The following TBC1D23 variants were observed in gnomAD, a reference collection of about 807,000 sequenced individuals.
The protein encoded by TBC1D23 is TBC1 domain family member 23.
TBC1D23 carries 55 observed loss-of-function variants against 91.4 expected under a neutral mutation model. That is an observed-to-expected ratio of 0.60 (90% CI 0.48 to 0.75). The LOEUF is 0.75. Ranked by LOEUF, TBC1D23 falls within the 30% of genes least tolerant of loss-of-function variation. The probability of loss-of-function intolerance (pLI) is 0.00; values close to 1 mark genes in which losing one functional copy is unlikely to be tolerated. For synonymous variants in TBC1D23, 289 were observed against 281.0 expected (o/e 1.03, Z -0.28); for missense variants, 725 against 836.1 (o/e 0.87, Z 1.64).
At position 100,283,758 on chromosome 3, in the gene TBC1D23, A is replaced by G. The variant is rs62636641; in HGVS notation, c.423A>G (p.Pro141=). The G allele has an allele frequency of 5.8e-3, 9,292 of 1,613,564 alleles. 36 individuals are homozygous for G. Among genetic ancestry groups the G allele is most frequent in the South Asian group, 6.6e-3 (602 of 91,072 alleles). ...LLKPLVHLQL[P]RSDLYNCFYA... is the part of the protein sequence containing the mutation. ...AACCATTGGTGCATCTTCAACTGCC[A>G]CGCAGCGATTTATACAACTGCTTTT... Residue 141 remains proline (P), a synonymous_variant, in exon 4 of 19, where the codon CCA becomes CCG. Transcript: ENST00000394144.
intron 1 of TBC1D23, 83 bp downstream of exon 1, chr3:100,261,154 C>A: frequency 7.2e-7 from 1 of 1,395,910 alleles, no homozygotes; most frequent in Non-Finnish European, 1.0e-6. Context: ...AGCCGTCTGG[C>A]GTCGGCATGG....
At chr3:100,297,695 GT>G (rs3832200) in intron 8 of TBC1D23, among the ~76,000 whole-genome samples, 21 of 150,120 alleles carry the variant, frequency 1.4e-4, no homozygotes, top group Admixed American at 8.0e-4. Context: ...TTTAGAATGT[GT>G]TTTTTTTTTC....
At chr3:100,263,008 A>G (rs929003611) in intron 1 of TBC1D23, among the ~76,000 whole-genome samples, 5 of 152,196 alleles carry the variant, frequency 3.3e-5, no homozygotes, top group Admixed American at 3.3e-4. Flanking sequence ...AGTAACTTTC[A>G]TGCGCGTCCG....
chr3:100,285,436 A>G (rs1325728248), intron 4 of TBC1D23, among the ~76,000 whole-genome samples: 2 of 152,036 alleles, frequency 1.3e-5, no homozygotes, highest in Non-Finnish European at 2.9e-5. Context: ...TTTTTGCCAA[A>G]TTTTTTATTG....
chr3:100,293,622 T>C (rs2067812184), intron 5 of TBC1D23, among the ~76,000 whole-genome samples: 1 of 152,206 alleles, frequency 6.6e-6, no homozygotes, highest in African/African-American at 2.4e-5. Flanking sequence ...TTCTAATCTG[T>C]GTTTGTAATC....
chr3:100,261,225 T>TAGG, intron 1 of TBC1D23, 154 bp downstream of exon 1: 2 of 677,800 alleles, frequency 3.0e-6, no homozygotes, highest in Non-Finnish European at 5.1e-6. Context: ...GCCAGCTGGG[T>TAGG]GCCCCCTGCC....
intron 13 of TBC1D23, among the ~76,000 whole-genome samples, chr3:100,307,442 A>G (rs928210652): frequency 6.6e-6 from 1 of 152,212 alleles, no homozygotes; most frequent in Non-Finnish European, 1.5e-5. Flanking sequence ...GTGGAATATA[A>G]ATGTTAACAA....
At chr3:100,308,399 C>T (rs1027221402) in intron 13 of TBC1D23, among the ~76,000 whole-genome samples, 145 of 151,668 alleles carry the variant, frequency 9.6e-4, no homozygotes, top group African/African-American at 3.2e-3. Context: ...GGTGTGAACC[C>T]GGGAGGCGGA....
chr3:100,301,270 C>G (rs1468326655), intron 10 of TBC1D23, among the ~76,000 whole-genome samples: 2 of 54,100 alleles, frequency 3.7e-5, no homozygotes, highest in Non-Finnish European at 6.3e-5. Context: ...GAGATTCCGT[C>G]TCAAAAAAAA....
chr3:100,270,296 A>C (rs910206261), intron 1 of TBC1D23, among the ~76,000 whole-genome samples: 2 of 152,234 alleles, frequency 1.3e-5, no homozygotes, highest in Non-Finnish European at 2.9e-5. Flanking sequence ...GGGTTAGGAA[A>C]GCAGAGGAAA....
At chr3:100,266,783 T>A (rs991561363) in intron 1 of TBC1D23, among the ~76,000 whole-genome samples, 2 of 152,206 alleles carry the variant, frequency 1.3e-5, no homozygotes, top group Admixed American at 1.3e-4. Context: ...TTAAATATAC[T>A]GTAATATGCA....
In TBC1D23 at chr3:100,260,995, A is replaced by T; in HGVS notation, c.-24A>T. The T allele has an allele frequency of 6.2e-7, 1 of 1,611,766 alleles. No homozygotes were observed. The highest frequency in any genetic ancestry group is 8.5e-7 in the Non-Finnish European group (1 of 1,177,890). On this transcript the variant is annotated 5_prime_UTR_variant, in exon 1 of 19. Transcript: ENST00000394144. Reference sequence around the variant, plus strand: ...CTCAGCGCCGGATCCACTTTTCGGCAAAGTGACGTGGACGTCAACAGCAAT... The same window carrying T: ...CTCAGCGCCGGATCCACTTTTCGGCTAAGTGACGTGGACGTCAACAGCAAT...
chr3:100,263,421 G>A (rs1181657317), intron 1 of TBC1D23, among the ~76,000 whole-genome samples: 1 of 152,226 alleles, frequency 6.6e-6, no homozygotes, highest in Non-Finnish European at 1.5e-5. Context: ...CACAGGGGAT[G>A]CGATGGCTTG....
chr3:100,295,408 A>G, intron 7 of TBC1D23, 60 bp downstream of exon 7: 1 of 1,386,336 alleles, frequency 7.2e-7, no homozygotes, highest in Non-Finnish European at 9.9e-7. Flanking sequence ...TAAGTTACTC[A>G]GTTTCCTCAT....
intron 5 of TBC1D23, among the ~76,000 whole-genome samples, chr3:100,291,804 T>C (rs1420537806): frequency 6.7e-6 from 1 of 149,824 alleles, no homozygotes; most frequent in African/African-American, 2.4e-5. Context: ...TTCTTTTTTT[T>C]TTTTTTTGAG....
intron 5 of TBC1D23, among the ~76,000 whole-genome samples, chr3:100,292,305 TCC>T (rs1257868515): frequency 6.6e-6 from 1 of 152,166 alleles, no homozygotes; most frequent in Non-Finnish European, 1.5e-5. Context: ...AATGATTGGG[TCC>T]TAGGAGACTA....
intron 1 of TBC1D23, among the ~76,000 whole-genome samples, chr3:100,273,760 T>C (rs567821608): frequency 1.3e-5 from 2 of 152,278 alleles, no homozygotes; most frequent in East Asian, 3.9e-4. Flanking sequence ...ACATAAGTAA[T>C]GGGGAAAGGA....
At chr3:100,293,282 C>T (rs190711473) in intron 5 of TBC1D23, among the ~76,000 whole-genome samples, 3 of 152,206 alleles carry the variant, frequency 2.0e-5, no homozygotes, top group East Asian at 1.9e-4. Flanking sequence ...TGCAGGCGCC[C>T]GCCACCACAC....
intron 2 of TBC1D23, among the ~76,000 whole-genome samples, chr3:100,280,277 A>G (rs1393647656): frequency 6.6e-6 from 1 of 152,202 alleles, no homozygotes; most frequent in Admixed American, 6.5e-5. Flanking sequence ...TCTTGAAACA[A>G]GATACAATCA....
Sources: allele counts gnomAD v4.1 joint callset (sites outside exome capture counted in the v4.1 genomes callset), GRCh38; gene constraint gnomAD v4.1.1; transcripts MANE v1.5; gene names NCBI Gene and HGNC (gene_info 2026-07-23, HGNC 2026-07-21).